MICA: variants seen among roughly 807,000 people sequenced by gnomAD.
MICA encodes the protein HLA class I antigen.
A neutral mutation model predicts 34.3 loss-of-function variants in MICA; 18 were observed. The observed-to-expected ratio is 0.52, with a 90% confidence interval of 0.36 to 0.78. The LOEUF is 0.78. Among genes scored for constraint, MICA ranks in the 30% least tolerant of loss-of-function variants. The pLI, the probability that MICA is intolerant of heterozygous loss-of-function variation, is 0.00. For missense variants in MICA, 333 were observed against 409.4 expected (o/e 0.81, Z 1.61); for synonymous variants, 135 against 156.9 (o/e 0.86, Z 1.04).
At chr6:31,402,147 T>C (rs1770465427), upstream of MICA, 1 of 151,932 alleles carries the variant, frequency 6.6e-6, no homozygotes, top group African/African-American at 2.4e-5. Context: ...CTTTTCTTTT[T>C]ATTTTAAAGG....
intron 5 of MICA, among the ~76,000 whole-genome samples, chr6:31,414,315 G>T (rs1330409467): frequency 6.6e-6 from 1 of 152,058 alleles, no homozygotes; most frequent in Non-Finnish European, 1.5e-5. Context: ...GCAGCCCTGG[G>T]GTGGAGCTGC....
intron 1 of MICA, among the ~76,000 whole-genome samples, chr6:31,409,307 C>CTGTGTGTGTGTGTGTGTGTGTG (rs1491397090): frequency 1.7e-4 from 19 of 110,092 alleles, no homozygotes; most frequent in Admixed American, 4.7e-4. Flanking sequence ...GCCAACCTTG[C>CTGTGTGTGTGTGTGTGTGTGTG]TCTGTGTGTG....
chr6:31,409,137 C>T (rs1010111933), intron 1 of MICA, among the ~76,000 whole-genome samples: 8 of 151,806 alleles, frequency 5.3e-5, no homozygotes, highest in Non-Finnish European at 8.8e-5. Context: ...CTTGGTTATC[C>T]ATCCCTCAGA....
chr6:31,406,905 G>A (rs111972772), intron 1 of MICA, among the ~76,000 whole-genome samples: 1 of 151,704 alleles, frequency 6.6e-6, no homozygotes, highest in Admixed American at 6.6e-5. Context: ...TGTTTCATTG[G>A]TCTGTGTGTC....
Position 31,412,367 on chromosome 6 carries a change from T to C in MICA, c.935T>C (p.Val312Ala). The change falls in exon 5 of 6, where the codon GTT becomes GCT. Residue 312 changes from valine (V) to alanine (A), a missense_variant. Val to Ala is a moderately conservative substitution (Grantham distance 64). Coordinates refer to ENST00000449934, the MANE Select transcript of MICA (RefSeq NM_001177519.3). ...CAGAGTCATTGGCAGACATTCCATGTTTCTGCTGTTGCTGCTGGCTGCTGC... is the reference window on the plus strand; with the variant it reads ...CAGAGTCATTGGCAGACATTCCATGCTTCTGCTGTTGCTGCTGGCTGCTGC... ...VLQSHWQTFH[V>A]SAVAAGCCYF... 6 of 1,524,364 alleles carry C rather than the reference T, an allele frequency of 3.9e-6. No individual in the cohort carries two copies. Among genetic ancestry groups the C allele is most frequent in the Non-Finnish European group, 4.4e-6 (5 of 1,148,270 alleles). 94.4% of individuals were successfully genotyped at this position (1,524,364 alleles called of 1,614,324 possible). A position where few individuals can be genotyped will look rare whatever the true frequency, so the allele number is the denominator to read the frequency against.
chr6:31,403,700 C>T lies in MICA; in HGVS notation c.68C>T (p.Ala23Val). The T allele has an allele frequency of 6.5e-7, 1 of 1,531,462 alleles. No individual in the cohort carries two copies. Among genetic ancestry groups the T allele is most frequent in the Non-Finnish European group, 8.8e-7 (1 of 1,140,272 alleles). The allele number at this position is 1,531,462 out of a possible 1,614,324, so 94.9% of individuals were successfully genotyped here. ...CCTTTTGCACCTCCGGGAGCTGCTG[C>T]TGGTGAGTGGCGTTCCTGGCGGTCC... ...IFPFAPPGAA[A>V]EPHSLRYNLT... The change falls in exon 1 of 6, where the codon GCT (alanine) becomes GTT (valine). Residue 23 changes from alanine (A) to valine (V), a missense_variant and splice_region_variant. Coordinates refer to ENST00000449934, the MANE Select transcript of MICA (RefSeq NM_001177519.3). The surrounding 1 kb of genome is among the most constrained non-coding windows in gnomAD (Gnocchi z 4.7).
In MICA at chr6:31,403,742, A is replaced by T; in HGVS notation, c.70+40A>T. 6.6e-7 allele frequency: 1 copy of T among 1,514,522 alleles called. No individual in the cohort carries two copies. The highest frequency in any genetic ancestry group is 8.8e-7 in the Non-Finnish European group (1 of 1,132,354). The allele number at this position is 1,514,522 out of a possible 1,614,324, so 93.8% of individuals were successfully genotyped here. The stretch of plus-strand genomic sequence containing the variant: ...TGGCGGTCCTCGGCGGAGCGGGAGC[A>T]GTGGGACGTTTCCGGGGGTCGGGTG... On this transcript the variant is annotated intron_variant, in intron 1 of 5. Transcript: ENST00000449934. This position sits in a 1 kb window ranked among gnomAD's most constrained non-coding sequence, Gnocchi z 4.7.
intron 1 of MICA, among the ~76,000 whole-genome samples, chr6:31,406,499 T>G (rs1770758526): frequency 6.6e-6 from 1 of 151,900 alleles, no homozygotes; most frequent in Non-Finnish European, 1.5e-5. Flanking sequence ...TCTCCCATTC[T>G]TGGATGGTCT....
chr6:31,408,353 G>T (rs1387245824), intron 1 of MICA, among the ~76,000 whole-genome samples: 1 of 151,796 alleles, frequency 6.6e-6, no homozygotes, highest in African/African-American at 2.4e-5. Flanking sequence ...GGATATTCCT[G>T]GCTTTGTAAA....
rs749152285 is a variant in MICA at position 31,412,096 on chromosome 6, G to C, written c.763G>C (p.Asp255His). 4 of 1,613,156 alleles carry C rather than the reference G, an allele frequency of 2.5e-6. No homozygotes were observed. Among genetic ancestry groups the C allele is most frequent in the Non-Finnish European group, 3.4e-6 (4 of 1,179,940 alleles). ...SLSHDTQQWG[D>H]VLPDGNGTYQ... is the part of the protein sequence containing the mutation. The stretch of plus-strand genomic sequence containing the variant: ...GAGCCACGACACCCAGCAGTGGGGG[G>C]ATGTCCTGCCTGATGGGAATGGAAC... The change falls in exon 4 of 6, where the codon GAT becomes CAT. Residue 255 changes from aspartate to histidine, a missense_variant. Transcript: ENST00000449934.
Position 31,411,907 on chromosome 6 carries a change from G to A in MICA, c.614-40G>A, listed in dbSNP as rs1771177109. 1 of 1,590,750 alleles carries A rather than the reference G, an allele frequency of 6.3e-7. No individual in the cohort carries two copies. The highest frequency in any genetic ancestry group is 1.1e-5 in the South Asian group (1 of 87,006). ...GCCCTGTTCCTCTCCCCTCCTTAGA[G>A]GGGAGCAGGGCTTCACTGGCTCTGC... On this transcript the variant is annotated intron_variant, in intron 3 of 5. Coordinates refer to ENST00000449934, the MANE Select transcript of MICA (RefSeq NM_001177519.3). The surrounding 1 kb of genome is among the most constrained non-coding windows in gnomAD (Gnocchi z 4.3).
chr6:31,402,731 AAG>A (rs1479122346), upstream of MICA, among the ~76,000 whole-genome samples: 1 of 151,758 alleles, frequency 6.6e-6, no homozygotes, highest in African/African-American at 2.4e-5. Flanking sequence ...ACTGAGGAGG[AAG>A]AGAGGATGAT....
intron 1 of MICA, among the ~76,000 whole-genome samples, chr6:31,408,801 C>G (rs183491047): frequency 6.6e-6 from 1 of 151,290 alleles, no homozygotes; most frequent in Non-Finnish European, 1.5e-5. Context: ...TTTCGGAGTT[C>G]GAAACCAGCC....
intron 1 of MICA, among the ~76,000 whole-genome samples, chr6:31,405,099 A>G (rs1280577464): frequency 5.4e-5 from 4 of 73,438 alleles, no homozygotes; most frequent in African/African-American, 2.2e-4. Flanking sequence ...AAGTTCTCCC[A>G]CAGTCACTCC....
intron 1 of MICA, among the ~76,000 whole-genome samples, chr6:31,410,137 A>G (rs9266805): frequency 0.16 from 23,767 of 149,070 alleles, 1,572 homozygotes; most frequent in South Asian, 0.26. Flanking sequence ...CCCTCAGCCT[A>G]TGCACCACAG....
chr6:31,412,672 C>T (rs2256175), intron 5 of MICA, among the ~76,000 whole-genome samples: 83,004 of 151,566 alleles, frequency 0.55, 24,021 homozygotes, highest in Middle Eastern at 0.75. Context: ...CTGTGGCATC[C>T]TCCTGCTGCA....
At chr6:31,410,239 CT>C (rs1397050550) in intron 1 of MICA, among the ~76,000 whole-genome samples, 2 of 151,934 alleles carry the variant, frequency 1.3e-5, no homozygotes, top group African/African-American at 2.4e-5. Flanking sequence ...CTTCATGCTC[CT>C]CCCTTGCCCC....
upstream of MICA, chr6:31,403,591 G>GGCTTCGCTCAGTTA (rs200837324): frequency 1.6e-3 from 2,297 of 1,450,324 alleles, 53 homozygotes; most frequent in East Asian, 0.025. The surrounding 1 kb of genome is among the most constrained non-coding windows in gnomAD (Gnocchi z 4.7). Context: ...CCTTCTCCCC[G>GGCTTCGCTCAGTTA]GCCACTGCTT....
Position 31,403,748 on chromosome 6 carries a change from A to G in MICA, c.70+46A>G. On this transcript the variant is annotated intron_variant, in intron 1 of 5. Coordinates refer to ENST00000449934, the MANE Select transcript of MICA (RefSeq NM_001177519.3). The surrounding 1 kb of genome is among the most constrained non-coding windows in gnomAD (Gnocchi z 4.7). ...TCCTCGGCGGAGCGGGAGCAGTGGG[A>G]CGTTTCCGGGGGTCGGGTGGGTAGC... 1 of 1,505,242 alleles carries G rather than the reference A, an allele frequency of 6.6e-7. No individual in the cohort carries two copies. Among genetic ancestry groups the G allele is most frequent in the East Asian group, 2.7e-5 (1 of 37,154 alleles). 93.2% of individuals were successfully genotyped at this position (1,505,242 alleles called of 1,614,324 possible).
Sources: gnomAD v4.1 joint callset for allele counts (sites outside exome capture counted in the v4.1 genomes callset) on GRCh38, gnomAD v4.1.1 for gene constraint, Gnocchi (gnomAD v3.1) non-coding constraint, MANE v1.5 for transcripts, NCBI Gene and HGNC (gene_info 2026-07-23, HGNC 2026-07-21) for gene names.